TRPM6: variants seen among roughly 807,000 people sequenced by gnomAD.
The protein encoded by TRPM6 is channel kinase 2.
A neutral mutation model predicts 247.6 loss-of-function variants in TRPM6; 111 were observed. The ratio of observed to expected loss-of-function variants is 0.45; its 90% CI spans 0.38 to 0.52. The LOEUF (loss-of-function observed/expected upper bound fraction) is 0.52. Among genes scored for constraint, TRPM6 ranks in the 20% least tolerant of loss-of-function variants. The probability of loss-of-function intolerance (pLI) is 0.00; values close to 1 mark genes in which losing one functional copy is unlikely to be tolerated. For synonymous variants in TRPM6, 892 were observed against 853.8 expected (o/e 1.04, Z -0.78); for missense variants, 2,126 against 2,421.5 (o/e 0.88, Z 2.56).
chr9:74,831,005 A>C (rs1829527197), intron 6 of TRPM6, among the ~76,000 whole-genome samples: 1 of 152,136 alleles, frequency 6.6e-6, no homozygotes, highest in African/African-American at 2.4e-5. Flanking sequence ...ATTCTAGGGA[A>C]ATAAGCAAGC....
chr9:74,735,855 G>A (rs1825678633), intron 36 of TRPM6, among the ~76,000 whole-genome samples: 1 of 152,114 alleles, frequency 6.6e-6, no homozygotes, highest in Non-Finnish European at 1.5e-5. Flanking sequence ...GTTAGTTATT[G>A]GCACTCCCTT....
chr9:74,761,788 T>A lies in TRPM6; in HGVS notation c.4693A>T (p.Ile1565Leu). 1.2e-6 allele frequency: 2 copies of A among 1,613,768 alleles called. No homozygotes were observed. The highest frequency in any genetic ancestry group is 1.7e-6 in the Non-Finnish European group (2 of 1,179,694). The part of the protein sequence containing the change: ...KIKNLSGSSE[I>L]GQGAWVKAKM... Reference sequence around the variant, plus strand: ...GCTTTGACCCATGCTCCCTGCCCTATTTCTGAAGAGCCTGAAAGATCTGCA... The same window carrying A: ...GCTTTGACCCATGCTCCCTGCCCTAATTCTGAAGAGCCTGAAAGATCTGCA... Residue 1565 changes from isoleucine to leucine, a missense_variant, in exon 27 of 39, where the codon ATA (isoleucine) becomes TTA (leucine). Ile to Leu is a conservative substitution (Grantham distance 5). Transcript: ENST00000360774.
At chr9:74,887,789 C>A in intron 1 of TRPM6, 35 bp downstream of exon 1, 1 of 1,614,152 alleles carries the variant, frequency 6.2e-7, no homozygotes, top group Non-Finnish European at 8.5e-7. Flanking sequence ...CGCCTAAGGT[C>A]CTTGTTCCCC....
At chr9:74,734,087 T>C (rs1188763410) in intron 36 of TRPM6, among the ~76,000 whole-genome samples, 1 of 152,192 alleles carries the variant, frequency 6.6e-6, no homozygotes, top group Non-Finnish European at 1.5e-5. Flanking sequence ...AGCTAAAATT[T>C]ATCAAAACAG....
intron 21 of TRPM6, 82 bp from the exon 22 acceptor site, chr9:74,782,935 T>C (rs1587500084): frequency 3.9e-6 from 5 of 1,290,214 alleles, no homozygotes; most frequent in Non-Finnish European, 5.6e-6. Flanking sequence ...CCATCATAAC[T>C]ATACCTGCAA....
At chr9:74,878,687 A>T (rs1831265833) in intron 1 of TRPM6, among the ~76,000 whole-genome samples, 1 of 152,272 alleles carries the variant, frequency 6.6e-6, no homozygotes, top group African/African-American at 2.4e-5. Flanking sequence ...CCACATGCAC[A>T]GATATCAATG....
chr9:74,788,539 C>T (rs1469984836), intron 20 of TRPM6, 75 bp downstream of exon 20: 20 of 1,566,806 alleles, frequency 1.3e-5, no homozygotes, highest in Middle Eastern at 1.7e-4. Flanking sequence ...ATCACCAGAG[C>T]CAAGGAGTCT....
At chr9:74,804,761 T>C (rs1443843994) in intron 14 of TRPM6, 3 of 759,384 alleles carry the variant, frequency 4.0e-6, no homozygotes, top group African/African-American at 3.4e-5. Flanking sequence ...AAGCAACCAC[T>C]GAATGGTCTT....
At chr9:74,852,490 C>T (rs62569731) in intron 3 of TRPM6, among the ~76,000 whole-genome samples, 22,128 of 151,454 alleles carry the variant, frequency 0.15, 1,890 homozygotes, top group East Asian at 0.27. Flanking sequence ...TCTCCGTCTC[C>T]GTCTCCATGG....
intron 31 of TRPM6, among the ~76,000 whole-genome samples, chr9:74,746,098 C>T (rs891538209): frequency 2.6e-5 from 4 of 151,866 alleles, no homozygotes; most frequent in Admixed American, 1.3e-4. Flanking sequence ...AAAAATTAGC[C>T]GGGCGTGGTG....
At chr9:74,834,745 T>C (rs1183729195) in intron 5 of TRPM6, among the ~76,000 whole-genome samples, 2 of 152,034 alleles carry the variant, frequency 1.3e-5, no homozygotes, top group African/African-American at 2.4e-5. Flanking sequence ...TGCTCATCTA[T>C]GTCCCTACAA....
At chr9:74,767,932 T>A (rs1458746593) in intron 25 of TRPM6, among the ~76,000 whole-genome samples, 2 of 152,126 alleles carry the variant, frequency 1.3e-5, no homozygotes, top group East Asian at 3.9e-4. Context: ...CTCTGATCAC[T>A]CTATCTAAAT....
chr9:74,800,463 G>A lies in TRPM6; in HGVS notation c.2029C>T (p.Leu677=). The change falls in exon 17 of 39, where the codon CTG becomes TTG. Residue 677 remains leucine (L), a synonymous_variant. Coordinates refer to ENST00000360774, the MANE Select transcript of TRPM6 (RefSeq NM_017662.5). ...TTGAATGCCTTCTCCAACAAGTCCA[G>A]AGCCAGCTGGCCAAACTGTCTGCCA... The part of the protein sequence containing the change: ...NYSKQFGQLA[L]DLLEKAFKQN... 6.2e-7 allele frequency: 1 copy of A among 1,613,966 alleles called. No homozygotes were observed.
At chr9:74,772,755 C>G (rs908725829) in intron 24 of TRPM6, among the ~76,000 whole-genome samples, 14 of 152,160 alleles carry the variant, frequency 9.2e-5, no homozygotes, top group African/African-American at 2.9e-4. Context: ...CACCTGTAAT[C>G]CCAGCACTTT....
chr9:74,755,218 T>C, intron 28 of TRPM6, 135 bp downstream of exon 28: 1 of 1,011,984 alleles, frequency 9.9e-7, no homozygotes, highest in Non-Finnish European at 1.5e-6. Flanking sequence ...GCTATTTTCC[T>C]TACAGAGTGT....
At chr9:74,853,226 TCGGGGAAGTGAGGAGCCCCTCCGCCC>T (rs1830411181) in intron 3 of TRPM6, among the ~76,000 whole-genome samples, 1 of 151,326 alleles carries the variant, frequency 6.6e-6, no homozygotes, top group Admixed American at 6.6e-5. Flanking sequence ...AGCCGCCCCA[TCGGGGAAGTGAGGAGCCCCTCCGCCC>T]GGCAGCCGCC....
chr9:74,747,469 C>G (rs760650816), intron 31 of TRPM6, among the ~76,000 whole-genome samples: 1 of 152,190 alleles, frequency 6.6e-6, no homozygotes, highest in Non-Finnish European at 1.5e-5. Context: ...AGGGAGCTGT[C>G]TCACATGACC....
chr9:74,767,008 T>A (rs72618104), intron 25 of TRPM6, among the ~76,000 whole-genome samples: 8,609 of 152,260 alleles, frequency 0.057, 341 homozygotes, highest in East Asian at 0.17. Context: ...TTCAGTGGCA[T>A]TGACCACTGC....
intron 30 of TRPM6, among the ~76,000 whole-genome samples, chr9:74,750,258 T>C (rs930170344): frequency 6.6e-6 from 1 of 152,194 alleles, no homozygotes; most frequent in East Asian, 1.9e-4. Context: ...TAATTATTTT[T>C]AAAATTAAAG....
Sources: gnomAD v4.1 joint callset for allele counts (sites outside exome capture counted in the v4.1 genomes callset) on GRCh38, gnomAD v4.1.1 for gene constraint, MANE v1.5 for transcripts, NCBI Gene and HGNC (gene_info 2026-07-23, HGNC 2026-07-21) for gene names.